Variants in MCPH1 observed in about 807,000 individuals in gnomAD.
The protein encoded by MCPH1 is microcephalin 1.
MCPH1 carries 104 observed loss-of-function variants against 84.5 expected under a neutral mutation model. The ratio of observed to expected loss-of-function variants is 1.23; its 90% confidence interval spans 1.05 to 1.45. MCPH1 has a LOEUF of 1.45. MCPH1 is among the 40% of genes most tolerant of loss of function. MCPH1 has a pLI of 0.00. For synonymous variants in MCPH1, 514 were observed against 366.8 expected, an observed-to-expected ratio of 1.40 and a Z score of -4.58; for missense variants, 1,498 against 1,005.7, an observed-to-expected ratio of 1.49 and a Z score of -6.62.
At chr8:6,490,534 C>G (rs1403098913) in intron 11 of MCPH1, among the ~76,000 whole-genome samples, 1 of 152,118 alleles carries the variant, frequency 6.6e-6, no homozygotes, top group African/African-American at 2.4e-5. Context: ...ACAATGTTAG[C>G]TTTTGAAGAG....
At chr8:6,456,724 C>T (rs1342841814) in intron 9 of MCPH1, among the ~76,000 whole-genome samples, 1 of 150,942 alleles carries the variant, frequency 6.6e-6, no homozygotes, top group Non-Finnish European at 1.5e-5. Flanking sequence ...CATAAAAATA[C>T]TCCGTCCTGT....
At chr8:6,524,870 G>A (rs1818038974) in intron 12 of MCPH1, among the ~76,000 whole-genome samples, 1 of 152,186 alleles carries the variant, frequency 6.6e-6, no homozygotes, top group Non-Finnish European at 1.5e-5. Flanking sequence ...TTGGTGTCAC[G>A]AGCACCTTCA....
At chr8:6,413,981 C>G (rs572630759) in intron 2 of MCPH1, among the ~76,000 whole-genome samples, 2 of 152,310 alleles carry the variant, frequency 1.3e-5, no homozygotes, top group South Asian at 4.2e-4. Context: ...TCTTAAATTT[C>G]TGACCTCATG....
Position 6,458,394 on chromosome 8 carries a change from C to A in MCPH1, c.1935+3142C>A, listed in dbSNP as rs1022708378. 1.3e-5 allele frequency among the ~76,000 whole-genome samples: 2 copies of A among 151,064 alleles called. 1 individual carries two copies. The highest frequency in any genetic ancestry group is 4.9e-5 in the African/African-American group (2 of 41,058). The stretch of plus-strand genomic sequence containing the variant: ...GGCTGAGGCAGGAGAATGGCATGAA[C>A]CCGGGAGGCGGAGATTGCAGTGAGC... On this transcript the variant is annotated intron_variant, in intron 9 of 13. Transcript: ENST00000344683.
intron 12 of MCPH1, among the ~76,000 whole-genome samples, chr8:6,577,013 C>T (rs1050033814): frequency 6.6e-6 from 1 of 152,136 alleles, no homozygotes; most frequent in Non-Finnish European, 1.5e-5. Context: ...TGTGAGGAGG[C>T]CCCCTTTGCC....
chr8:6,433,630 C>CAA (rs60661127), intron 4 of MCPH1, among the ~76,000 whole-genome samples: 5,295 of 40,302 alleles, frequency 0.13, 411 homozygotes, highest in Middle Eastern at 0.17. Context: ...GGCTCTGTCT[C>CAA]AAAAAAAAAA....
intron 13 of MCPH1, among the ~76,000 whole-genome samples, chr8:6,623,811 A>C (rs1175925962): frequency 3.3e-5 from 5 of 152,012 alleles, no homozygotes; most frequent in Non-Finnish European, 7.4e-5. Context: ...TATGTTCTGA[A>C]ACAGAGGTTG....
intron 12 of MCPH1, among the ~76,000 whole-genome samples, chr8:6,612,836 G>C (rs1331509506): frequency 6.6e-6 from 1 of 152,268 alleles, no homozygotes; most frequent in East Asian, 1.9e-4. Context: ...TGGAAGCAAA[G>C]GCAGAGCGTG....
intron 12 of MCPH1, chr8:6,616,310 G>C (rs568575661): frequency 1.3e-5 from 2 of 152,308 alleles, no homozygotes; most frequent in African/African-American, 4.8e-5. Context: ...AACACCCTGG[G>C]CTGGAGTAAA....
At chr8:6,629,437 G>C (rs188220102) in intron 13 of MCPH1, among the ~76,000 whole-genome samples, 26 of 152,322 alleles carry the variant, frequency 1.7e-4, no homozygotes, top group Non-Finnish European at 2.9e-4. Flanking sequence ...ACTCCAACCT[G>C]TGCAACAGAG....
At chr8:6,440,725 A>G (rs187729188) in intron 6 of MCPH1, among the ~76,000 whole-genome samples, 3 of 152,324 alleles carry the variant, frequency 2.0e-5, no homozygotes, top group South Asian at 2.1e-4. Context: ...GCCTTTTCAT[A>G]TTACTGACTG....
intron 4 of MCPH1, among the ~76,000 whole-genome samples, chr8:6,432,219 C>T (rs145286916): frequency 6.6e-6 from 1 of 152,358 alleles, no homozygotes; most frequent in African/African-American, 2.4e-5. Flanking sequence ...ATTCTCCTGC[C>T]TCAACCTCCC....
At chr8:6,487,607 G>C (rs2442485) in intron 11 of MCPH1, among the ~76,000 whole-genome samples, 39,356 of 152,078 alleles carry the variant, frequency 0.26, 5,228 homozygotes, top group Middle Eastern at 0.33. Flanking sequence ...AATCTTCAGG[G>C]ACATTGTACT....
chr8:6,632,274 A>C (rs1797218708), intron 13 of MCPH1, among the ~76,000 whole-genome samples: 1 of 152,232 alleles, frequency 6.6e-6, no homozygotes, highest in Non-Finnish European at 1.5e-5. Context: ...TGATGGCTGC[A>C]CAGCATTGCG....
chr8:6,521,160 C>T (rs1170374677), intron 12 of MCPH1: 8 of 1,599,396 alleles, frequency 5.0e-6, no homozygotes, highest in Non-Finnish European at 6.8e-6. Context: ...CTGAAGAAAG[C>T]ATGATATGTA....
intron 12 of MCPH1, among the ~76,000 whole-genome samples, chr8:6,560,123 T>C (rs1456813391): frequency 6.6e-6 from 1 of 152,206 alleles, no homozygotes; most frequent in Non-Finnish European, 1.5e-5. Context: ...TCCTGACACA[T>C]GTTTTAATTT....
At chr8:6,422,843 C>G (rs1233075280) in intron 3 of MCPH1, among the ~76,000 whole-genome samples, 1 of 152,108 alleles carries the variant, frequency 6.6e-6, no homozygotes, top group Non-Finnish European at 1.5e-5. Context: ...AGCCCGCCAC[C>G]ACGCCCGGCT....
chr8:6,626,139 G>A, intron 13 of MCPH1: 1 of 985,364 alleles, frequency 1.0e-6, no homozygotes, highest in Non-Finnish European at 1.2e-6. Flanking sequence ...TTACTTGTAA[G>A]AATTTCTTTC....
intron 12 of MCPH1, chr8:6,501,437 C>T (rs1436304236): frequency 2.0e-5 from 3 of 151,786 alleles, no homozygotes; most frequent in East Asian, 1.9e-4. Context: ...AAGCTTTACA[C>T]AAATGTTCAT....
Sources: allele counts gnomAD v4.1 joint callset (sites outside exome capture counted in the v4.1 genomes callset), GRCh38; gene constraint gnomAD v4.1.1; transcripts MANE v1.5; gene names NCBI Gene and HGNC (gene_info 2026-07-23, HGNC 2026-07-21).